The following MMP21 variants were observed in gnomAD, a reference collection of about 807,000 sequenced individuals.
The protein encoded by MMP21 is matrix metalloproteinase-21.
In MMP21, 40 loss-of-function variants were observed where a neutral mutation model predicts 47.8. The observed-to-expected ratio is 0.84, with a 90% confidence interval of 0.65 to 1.09. The LOEUF (loss-of-function observed/expected upper bound fraction) is 1.09. Among genes scored for constraint, MMP21 ranks in the 50% least tolerant of loss-of-function variants. The pLI is 0.00. For synonymous variants in MMP21, 341 were observed against 318.0 expected (o/e 1.07, Z -0.77); for missense variants, 747 against 775.3 (o/e 0.96, Z 0.43).
chr10:125,773,118 T>C lies in MMP21; in HGVS notation c.698-368A>G, dbSNP rs1450026525. On this transcript the variant is annotated intron_variant, in intron 2 of 6. Transcript: ENST00000368808. The surrounding 1 kb of genome is among the most constrained non-coding windows in gnomAD (Gnocchi z 4.8). ...AAAGCTGGGTCCCTTAAAATTTGTC[T>C]TTTTCAGCCAACCGTGTCCCTATAC... 6.6e-6 allele frequency among the ~76,000 whole-genome samples: 1 copy of C among 152,172 alleles called. No homozygotes were observed. Among genetic ancestry groups the C allele is most frequent in the African/African-American group, 2.4e-5 (1 of 41,448 alleles).
At chr10:125,770,631 A>T (rs767435496) in intron 4 of MMP21, 40 bp from the exon 5 acceptor site, 2 of 1,606,526 alleles carry the variant, frequency 1.2e-6, no homozygotes, top group Admixed American at 3.4e-5. Flanking sequence ...TGTCACATAC[A>T]TGGTGCAAAA....
intron 5 of MMP21, among the ~76,000 whole-genome samples, chr10:125,767,918 T>C (rs1357455505): frequency 6.6e-6 from 1 of 152,188 alleles, no homozygotes; most frequent in Non-Finnish European, 1.5e-5. Flanking sequence ...AGTGCATTTT[T>C]CTTGGCCGTC....
intron 4 of MMP21, among the ~76,000 whole-genome samples, chr10:125,770,849 CAAA>C (rs5788714): frequency 1.0e-5 from 1 of 98,130 alleles, no homozygotes; most frequent in African/African-American, 3.6e-5. Flanking sequence ...CCAGTGTCTA[CAAA>C]AAAAAAAAAA....
Position 125,766,911 on chromosome 10 carries a change from CTTTGGA to C in MMP21, c.1455_1460del (p.Tyr485_Lys487delinsTer), listed in dbSNP as rs1850392701. ...CTGCTGGAAAAACTTCAGTAATCCT[CTTTGGA>C]TAAGAATTAAGTACTCGATTTCTGT... On this transcript the variant is annotated stop_gained and inframe_deletion, in exon 7 of 7. Coordinates refer to ENST00000368808, the MANE Select transcript of MMP21 (RefSeq NM_147191.1). LOFTEE classifies it low-confidence loss of function (END_TRUNC). 1.2e-6 allele frequency: 2 copies of C among 1,611,512 alleles called. No individual in the cohort carries two copies.
chr10:125,772,785 G>GC lies in MMP21; in HGVS notation c.698-36_698-35insG. On this transcript the variant is annotated intron_variant, in intron 2 of 6. Transcript: ENST00000368808. This position sits in a 1 kb window ranked among gnomAD's most constrained non-coding sequence, Gnocchi z 5.6. The stretch of plus-strand genomic sequence containing the variant: ...GGGAGGAGGAGTTGGTCCCGGTGAA[G>GC]GATGAGTGCCCCCCATACAGACTCC... The GC allele has an allele frequency of 6.2e-7, 1 of 1,606,026 alleles. No homozygotes were observed. Among genetic ancestry groups the GC allele is most frequent in the Non-Finnish European group, 8.5e-7 (1 of 1,176,808 alleles).
chr10:125,767,249 C>A (rs1300693642), intron 6 of MMP21, among the ~76,000 whole-genome samples: 1 of 152,156 alleles, frequency 6.6e-6, no homozygotes, highest in Non-Finnish European at 1.5e-5. Flanking sequence ...ATCCTCTTGC[C>A]TTAGCCTCCT....
At position 125,773,830 on chromosome 10, in the gene MMP21, C is replaced by A; in HGVS notation, c.697+1G>T. On this transcript the variant is annotated splice_donor_variant, in intron 2 of 6. Coordinates refer to ENST00000368808, the MANE Select transcript of MMP21 (RefSeq NM_147191.1). LOFTEE classifies it high-confidence loss of function. The surrounding 1 kb of genome is among the most constrained non-coding windows in gnomAD (Gnocchi z 4.8). ...AGGCAGGGAGCCCGGGGTGCTCTTA[C>A]CTCTCCCAAAGCCCAGCTTGATGTC... is the stretch of plus-strand genomic sequence containing the variant. The A allele has an allele frequency of 6.5e-7, 1 of 1,535,794 alleles. No individual in the cohort carries two copies. The highest frequency in any genetic ancestry group is 8.7e-7 in the Non-Finnish European group (1 of 1,148,098).
chr10:125,771,552 T>A (rs1350379489), intron 4 of MMP21, among the ~76,000 whole-genome samples: 1 of 152,086 alleles, frequency 6.6e-6, no homozygotes, highest in Non-Finnish European at 1.5e-5. Context: ...TACAGGCGTG[T>A]GCCACCATGT....
Position 125,766,625 on chromosome 10 carries a change from C to T in MMP21, c.*37G>A, listed in dbSNP as rs749810449. 5 of 1,496,330 alleles carry T rather than the reference C, an allele frequency of 3.3e-6. No individual in the cohort carries two copies. Among genetic ancestry groups the T allele is most frequent in the Non-Finnish European group, 4.5e-6 (5 of 1,122,984 alleles). The allele number at this position is 1,496,330 out of a possible 1,614,324, so 92.7% of individuals were successfully genotyped here. A position where few individuals can be genotyped will look rare whatever the true frequency, so the allele number is the denominator to read the frequency against. ...TTTGTAAACAGTATCAGAATTTTAG[C>T]GAAGTCCTATGACCCTCCATTTCCT... On this transcript the variant is annotated 3_prime_UTR_variant, in exon 7 of 7. Transcript: ENST00000368808.
In MMP21 at chr10:125,770,524, C is replaced by T. The variant is rs1489660032; in HGVS notation, c.1047G>A (p.Glu349=). Residue 349 remains glutamate, a synonymous_variant, in exon 5 of 7, where the codon GAG becomes GAA. Coordinates refer to ENST00000368808, the MANE Select transcript of MMP21 (RefSeq NM_147191.1). ...WIRKERNQYG[E]VMVRFSTYFF... The stretch of plus-strand genomic sequence containing the variant: ...AATATGTGCTAAATCTCACCATCAC[C>T]TCTCCATATTGGTTTCTCTCTTTGC... 7.4e-6 allele frequency: 12 copies of T among 1,614,170 alleles called. No individual in the cohort carries two copies. Among genetic ancestry groups the T allele is most frequent in the Non-Finnish European group, 1.0e-5 (12 of 1,180,028 alleles).
At chr10:125,775,545 C>G in intron 1 of MMP21, 115 bp downstream of exon 1, 1 of 1,360,332 alleles carries the variant, frequency 7.4e-7, no homozygotes, top group Non-Finnish European at 9.7e-7. Flanking sequence ...CTGCCTGGCC[C>G]TTCTCTGCCT....
intron 1 of MMP21, among the ~76,000 whole-genome samples, chr10:125,774,670 G>A (rs12775804): frequency 0.3 from 45,882 of 152,032 alleles, 7,073 homozygotes; most frequent in South Asian, 0.33. Context: ...AGTCAGAGGC[G>A]CCCTAGGGCC....
chr10:125,772,748 G>A lies in MMP21; in HGVS notation c.700C>T (p.Arg234Trp), dbSNP rs758968757. 15 of 1,612,444 alleles carry A rather than the reference G, an allele frequency of 9.3e-6. No individual in the cohort carries two copies. Among genetic ancestry groups the A allele is most frequent in the African/African-American group, 4.0e-5 (3 of 74,916 alleles). Residue 234 changes from arginine (R) to tryptophan (W), a missense_variant and splice_region_variant, in exon 3 of 7, where the codon CGG becomes TGG. By Grantham distance (101) the Arg-to-Trp change is moderately radical (BLOSUM62 -3). Coordinates refer to ENST00000368808, the MANE Select transcript of MMP21 (RefSeq NM_147191.1). This position sits in a 1 kb window ranked among gnomAD's most constrained non-coding sequence, Gnocchi z 5.6. Reference sequence around the variant, plus strand: ...AAGGCCCGCGGACAGCCCAGGTGCCGGCCTGGCGAGGGGGAGGAGGAGTTG... The same window carrying A: ...AAGGCCCGCGGACAGCCCAGGTGCCAGCCTGGCGAGGGGGAGGAGGAGTTG... The part of the protein sequence containing the change: ...VDIKLGFGRG[R>W]HLGCPRAFDG...
In MMP21 at chr10:125,772,408, A is replaced by G. The variant is rs368582436; in HGVS notation, c.838-49T>C. ...GTGCTGGGTGAAGCCTGGGCGATGG[A>G]TCCCTGCATAACAGACGCAGGCCTG... is the stretch of plus-strand genomic sequence containing the variant. On this transcript the variant is annotated intron_variant, in intron 3 of 6. Transcript: ENST00000368808. This position sits in a 1 kb window ranked among gnomAD's most constrained non-coding sequence, Gnocchi z 5.6. The G allele has an allele frequency of 3.2e-5, 51 of 1,610,706 alleles. No individual in the cohort carries two copies. Among genetic ancestry groups the G allele is most frequent in the Non-Finnish European group, 4.3e-5 (51 of 1,178,334 alleles).
rs1376247825 is a variant in MMP21 at position 125,767,697 on chromosome 10, T to C, written c.1245A>G (p.Gln415=). The change falls in exon 6 of 7, where the codon CAA becomes CAG. Residue 415 remains glutamine (Q), a synonymous_variant. Coordinates refer to ENST00000368808, the MANE Select transcript of MMP21 (RefSeq NM_147191.1). ...RDERYFFQGN[Q]YWRYDSDKDQ... ...CCTTGTCACTGTCATATCTCCAGTATTGATTTCCTGAGAGCCAAACAAAAT... is the reference window on the plus strand; with the variant it reads ...CCTTGTCACTGTCATATCTCCAGTACTGATTTCCTGAGAGCCAAACAAAAT... 2 of 1,614,066 alleles carry C rather than the reference T, an allele frequency of 1.2e-6. No homozygotes were observed. The highest frequency in any genetic ancestry group is 1.7e-5 in the Admixed American group (1 of 59,978).
rs762318902 is a variant in MMP21, at chr10:125,770,327, T to A, written c.1237+7A>T. The A allele has an allele frequency of 6.8e-6, 11 of 1,613,888 alleles. No individual in the cohort carries two copies. In the African/African-American group the frequency reaches 1.5e-4, roughly 22 times the overall value. ...GAGAAATAGAACCATCCATGAAGAA[T>A]CTGTACCTTGAAAAAAATAACGTTC... On this transcript the variant is annotated splice_region_variant and intron_variant, in intron 5 of 6. Coordinates refer to ENST00000368808, the MANE Select transcript of MMP21 (RefSeq NM_147191.1).
At position 125,774,310 on chromosome 10, in the gene MMP21, G is replaced by A. The variant is rs1564763746; in HGVS notation, c.218C>T (p.Pro73Leu). 5.6e-6 allele frequency: 8 copies of A among 1,416,460 alleles called. No homozygotes were observed. Among genetic ancestry groups the A allele is most frequent in the Non-Finnish European group, 7.3e-6 (8 of 1,093,444 alleles). 87.7% of individuals were successfully genotyped at this position (1,416,460 alleles called of 1,614,324 possible). Residue 73 changes from proline to leucine, a missense_variant, in exon 2 of 7, where the codon CCC becomes CTC. By Grantham distance (98) the Pro-to-Leu change is moderately conservative (BLOSUM62 -3). Coordinates refer to ENST00000368808, the MANE Select transcript of MMP21 (RefSeq NM_147191.1). Reference protein sequence around the residue: ...SGVWAAWGPSPEGPPETPKGA... With the variant: ...SGVWAAWGPSLEGPPETPKGA... ...CTTGGGGGTCTCCGGCGGCCCCTCG[G>A]GACTGGGCCCCCAGGCCGCCCACAC...
At position 125,766,685 on chromosome 10, in the gene MMP21, G is replaced by C; in HGVS notation, c.1687C>G (p.His563Asp). 1 of 1,611,580 alleles carries C rather than the reference G, an allele frequency of 6.2e-7. No individual in the cohort carries two copies. Among genetic ancestry groups the C allele is most frequent in the Non-Finnish European group, 8.5e-7 (1 of 1,179,098 alleles). ...TATTACATGTTCAGTGTGGAGATAT[G>C]GACGTCACAAACATCAAACCACTTC... is the stretch of plus-strand genomic sequence containing the variant. The part of the protein sequence containing the change: ...SEKWFDVCDV[H>D]ISTLNM Residue 563 changes from histidine to aspartate, a missense_variant, in exon 7 of 7, where the codon CAT (histidine) becomes GAT (aspartate). Coordinates refer to ENST00000368808, the MANE Select transcript of MMP21 (RefSeq NM_147191.1).
rs1589894310 is a variant in MMP21 at position 125,773,739 on chromosome 10, C to T, written c.697+92G>A. Reference sequence around the variant, plus strand: ...CCGGGACAGGCCGGGAGGGCTTAGCCCCCCATTCTGCAGGTGGCCGAGGTG... The same window carrying T: ...CCGGGACAGGCCGGGAGGGCTTAGCTCCCCATTCTGCAGGTGGCCGAGGTG... On this transcript the variant is annotated intron_variant, in intron 2 of 6. Coordinates refer to ENST00000368808, the MANE Select transcript of MMP21 (RefSeq NM_147191.1). This position sits in a 1 kb window ranked among gnomAD's most constrained non-coding sequence, Gnocchi z 4.8. 2.1e-6 allele frequency: 3 copies of T among 1,417,362 alleles called. No homozygotes were observed. The African/African-American group carries it at 4.5e-5, about 21-fold the overall frequency. 87.8% of individuals were successfully genotyped at this position (1,417,362 alleles called of 1,614,324 possible).
Sources: gnomAD v4.1 joint callset for allele counts (sites outside exome capture counted in the v4.1 genomes callset) on GRCh38, gnomAD v4.1.1 for gene constraint, Gnocchi (gnomAD v3.1) non-coding constraint, MANE v1.5 for transcripts, NCBI Gene and HGNC (gene_info 2026-07-23, HGNC 2026-07-21) for gene names.